The following TSPAN19 variants were observed in gnomAD, a reference collection of about 807,000 sequenced individuals.
TSPAN19 encodes tetraspanin-19.
A neutral mutation model predicts 35.1 loss-of-function variants in TSPAN19; 44 were observed. The observed-to-expected ratio is 1.25, with a 90% CI of 0.98 to 1.61. TSPAN19 has a LOEUF of 1.61. Ranked by LOEUF, TSPAN19 falls within the 40% of genes most tolerant of loss-of-function variation. The probability of loss-of-function intolerance (pLI) is 0.00; values close to 1 mark genes in which losing one functional copy is unlikely to be tolerated. For missense variants in TSPAN19, 290 were observed against 280.0 expected (o/e 1.04, Z -0.26); for synonymous variants, 79 against 92.0 (o/e 0.86, Z 0.81).
chr12:85,023,650 T>C (rs1592662926), intron 4 of TSPAN19, among the ~76,000 whole-genome samples: 3 of 152,280 alleles, frequency 2.0e-5, no homozygotes, highest in South Asian at 4.1e-4. Flanking sequence ...CTTGGTCCAA[T>C]AGAGTTGTCG....
intron 1 of TSPAN19, among the ~76,000 whole-genome samples, chr12:85,030,890 G>A (rs1343357581): frequency 2.6e-5 from 4 of 151,892 alleles, no homozygotes; most frequent in African/African-American, 9.7e-5. Flanking sequence ...ATTCTAACTA[G>A]CACTATAATT....
chr12:85,017,834 TA>T (rs1876903031), intron 6 of TSPAN19, among the ~76,000 whole-genome samples: 2 of 151,836 alleles, frequency 1.3e-5, no homozygotes, highest in Admixed American at 6.6e-5. Context: ...TGTGGTTGGA[TA>T]GAATTATTAC....
In TSPAN19 at chr12:85,017,489, A is replaced by C; in HGVS notation, c.561T>G (p.Phe187Leu). 6.2e-7 allele frequency: 1 copy of C among 1,609,222 alleles called. No individual in the cohort carries two copies. Among genetic ancestry groups the C allele is most frequent in the Non-Finnish European group, 8.5e-7 (1 of 1,177,434 alleles). ...AAGTTGCATTCAGTGGCTCATCACAAAACCATTTTCTTAAAGTTGACTTTG... is the reference window on the plus strand; with the variant it reads ...AAGTTGCATTCAGTGGCTCATCACACAACCATTTTCTTAAAGTTGACTTTG... Reference protein sequence around the residue: ...SCTKSTLRKWFCDEPLNATYL... With the variant: ...SCTKSTLRKWLCDEPLNATYL... Residue 187 changes from phenylalanine to leucine, a missense_variant, in exon 7 of 9, where the codon TTT becomes TTG. Coordinates refer to ENST00000532498, the MANE Select transcript of TSPAN19 (RefSeq NM_001100917.2).
In TSPAN19 at chr12:85,034,405, T is replaced by G. The variant is rs1048383096; in HGVS notation, c.-28+1799A>C. Among the ~76,000 whole-genome samples, 9 of 152,196 alleles carry G rather than the reference T, an allele frequency of 5.9e-5. No individual in the cohort carries two copies. In the East Asian group the frequency reaches 1.7e-3, roughly 29 times the overall value. Reference sequence around the variant, plus strand: ...TTGTCAGATAACAAAGAACAAACAGTTATCTCTCATTCTTTCATTCTCTCA... The same window carrying G: ...TTGTCAGATAACAAAGAACAAACAGGTATCTCTCATTCTTTCATTCTCTCA... On this transcript the variant is annotated intron_variant, in intron 1 of 8. Transcript: ENST00000532498.
chr12:85,018,105 T>G (rs923926683), intron 6 of TSPAN19, among the ~76,000 whole-genome samples: 12 of 151,788 alleles, frequency 7.9e-5, no homozygotes, highest in African/African-American at 2.4e-4. Flanking sequence ...AGAACCAAAA[T>G]AAGATAATAA....
chr12:85,019,718 C>G lies in TSPAN19; in HGVS notation c.358G>C (p.Asp120His). 6.2e-7 allele frequency: 1 copy of G among 1,605,362 alleles called. No homozygotes were observed. Among genetic ancestry groups the G allele is most frequent in the South Asian group, 1.1e-5 (1 of 90,052 alleles). The part of the protein sequence containing the change: ...KKEEVQQLWH[D>H]KIDFVISEYG... Reference sequence around the variant, plus strand: ...TCAGAAATGACAAAATCAATTTTGTCATGCCATAGTTGCTGAACCTGTAGA... The same window carrying G: ...TCAGAAATGACAAAATCAATTTTGTGATGCCATAGTTGCTGAACCTGTAGA... The change falls in exon 6 of 9, where the codon GAC becomes CAC. Residue 120 changes from aspartate to histidine, a missense_variant. Transcript: ENST00000532498.
chr12:85,017,346 C>T (rs1284720134), intron 7 of TSPAN19, 110 bp downstream of exon 7: 14 of 979,428 alleles, frequency 1.4e-5, no homozygotes, highest in Admixed American at 5.6e-5. Context: ...ATGTAGCCAC[C>T]GTCAACAACA....
chr12:85,020,009 G>C (rs1245085788), intron 5 of TSPAN19, among the ~76,000 whole-genome samples: 1 of 151,794 alleles, frequency 6.6e-6, no homozygotes, highest in East Asian at 1.9e-4. Flanking sequence ...ATATCTAAGG[G>C]AGATTTCTTC....
intron 1 of TSPAN19, among the ~76,000 whole-genome samples, chr12:85,035,633 T>C: frequency 6.6e-6 from 1 of 151,780 alleles, no homozygotes; most frequent in Non-Finnish European, 1.5e-5. Context: ...CCTTTTAGAA[T>C]TTAATGCCTT....
Position 85,015,941 on chromosome 12 carries a change from T to A in TSPAN19, c.625A>T (p.Asn209Tyr). The A allele has an allele frequency of 6.5e-7, 1 of 1,549,512 alleles. No homozygotes were observed. The highest frequency in any genetic ancestry group is 8.7e-7 in the Non-Finnish European group (1 of 1,146,096). ...CCGATTAAGGTTAACACATTAACAT[T>A]ATACCATGCACTGATTTTATTTTCA... ...GCENKISAWY[N>Y]VNVLTLIGIN... Residue 209 changes from asparagine to tyrosine, a missense_variant, in exon 8 of 9, where the codon AAT (asparagine) becomes TAT (tyrosine). Physicochemically the swap from Asn to Tyr is moderately radical, Grantham distance 143. Transcript: ENST00000532498.
At chr12:85,034,009 CTG>C (rs1042172255) in intron 1 of TSPAN19, among the ~76,000 whole-genome samples, 2 of 151,940 alleles carry the variant, frequency 1.3e-5, no homozygotes, top group Admixed American at 6.6e-5. Flanking sequence ...GGGATGGAAA[CTG>C]TGGGAAAGTC....
intron 3 of TSPAN19, among the ~76,000 whole-genome samples, chr12:85,028,271 T>C (rs1877518613): frequency 6.6e-6 from 1 of 152,152 alleles, no homozygotes; most frequent in African/African-American, 2.4e-5. Context: ...GAAGATCGCT[T>C]TACCCTTATC....
intron 6 of TSPAN19, among the ~76,000 whole-genome samples, chr12:85,018,414 A>G (rs975507596): frequency 3.3e-5 from 5 of 151,936 alleles, no homozygotes; most frequent in Non-Finnish European, 7.4e-5. Context: ...AAACCTACAT[A>G]TATTATCTCA....
At chr12:85,018,355 C>T (rs1450715790) in intron 6 of TSPAN19, among the ~76,000 whole-genome samples, 1 of 151,786 alleles carries the variant, frequency 6.6e-6, no homozygotes, top group Non-Finnish European at 1.5e-5. Context: ...ATGCTGACGA[C>T]TAAAATATTG....
intron 5 of TSPAN19, among the ~76,000 whole-genome samples, chr12:85,020,284 C>A (rs1027971849): frequency 1.3e-5 from 2 of 151,536 alleles, no homozygotes; most frequent in Non-Finnish European, 1.5e-5. Context: ...TCTCTCCAAG[C>A]CTGTTTTGCG....
At chr12:85,017,720 G>T in intron 6 of TSPAN19, 121 bp from the exon 7 acceptor site, 1 of 677,892 alleles carries the variant, frequency 1.5e-6, no homozygotes, top group East Asian at 2.9e-5. Flanking sequence ...CCATGAACAT[G>T]TAATGAATTA....
chr12:85,035,960 T>G (rs924689409), intron 1 of TSPAN19, among the ~76,000 whole-genome samples: 5 of 152,130 alleles, frequency 3.3e-5, no homozygotes, highest in Non-Finnish European at 7.4e-5. Context: ...ACTGTTGTCA[T>G]GGAAGGCAAA....
chr12:85,027,598 C>A (rs1877476468), intron 4 of TSPAN19, among the ~76,000 whole-genome samples: 1 of 151,962 alleles, frequency 6.6e-6, no homozygotes, highest in Non-Finnish European at 1.5e-5. Flanking sequence ...TTCTAGCCTT[C>A]AGATTCTTAA....
intron 1 of TSPAN19, among the ~76,000 whole-genome samples, chr12:85,030,203 T>C (rs2135815872): frequency 1.3e-5 from 2 of 152,264 alleles, no homozygotes; most frequent in East Asian, 3.9e-4. Context: ...ATATCTGCAA[T>C]GCTTTGACTA....
Sources: allele counts gnomAD v4.1 joint callset (sites outside exome capture counted in the v4.1 genomes callset), GRCh38; gene constraint gnomAD v4.1.1; transcripts MANE v1.5; gene names NCBI Gene and HGNC (gene_info 2026-07-23, HGNC 2026-07-21).